Variants in RPS6KA2 observed in about 807,000 individuals in gnomAD.
RPS6KA2 encodes ribosomal protein S6 kinase A2, also known as ribosomal protein S6 kinase alpha-2.
A neutral mutation model predicts 91.8 loss-of-function variants in RPS6KA2; 42 were observed. That is an observed-to-expected ratio of 0.46 (90% CI 0.36 to 0.59). The LOEUF is 0.59. Ranked by LOEUF, RPS6KA2 falls within the 20% of genes least tolerant of loss-of-function variation. The probability of loss-of-function intolerance (pLI) is 0.00; values close to 1 mark genes in which losing one functional copy is unlikely to be tolerated. For missense variants in RPS6KA2, 798 were observed against 978.5 expected (o/e 0.82, Z 2.46); for synonymous variants, 414 against 393.6 (o/e 1.05, Z -0.61).
chr6:166,757,697 C>T, intron 2 of RPS6KA2: 1 of 429,442 alleles, frequency 2.3e-6, no homozygotes, highest in Admixed American at 2.5e-5. Context: ...CACCAGGCAG[C>T]CACCCCGCAC....
Position 166,494,677 on chromosome 6 carries a change from A to G in RPS6KA2, c.747+3831T>C, listed in dbSNP as rs1012447132. Reference sequence around the variant, plus strand: ...CAGGTACCAGCTCCTAATTTCAGACACGGAATTTTATTCAGGGACACTGAC... The same window carrying G: ...CAGGTACCAGCTCCTAATTTCAGACGCGGAATTTTATTCAGGGACACTGAC... On this transcript the variant is annotated intron_variant, in intron 8 of 20. Coordinates refer to ENST00000265678, the MANE Select transcript of RPS6KA2 (RefSeq NM_021135.6). The surrounding 1 kb of genome is among the most constrained non-coding windows in gnomAD (Gnocchi z 5.1). Among the ~76,000 whole-genome samples the G allele has an allele frequency of 7.9e-5, 12 of 152,148 alleles. No homozygotes were observed. Among genetic ancestry groups the G allele is most frequent in the Admixed American group, 3.9e-4 (6 of 15,280 alleles).
At chr6:166,518,162 C>T (rs1459531609) in intron 3 of RPS6KA2, among the ~76,000 whole-genome samples, 1 of 149,364 alleles carries the variant, frequency 6.7e-6, no homozygotes, top group East Asian at 2.0e-4. Flanking sequence ...TGGTGTGCAC[C>T]TGCAGCCCTA....
chr6:166,833,369 C>A (rs1780235646), intron 2 of RPS6KA2, among the ~76,000 whole-genome samples: 1 of 152,182 alleles, frequency 6.6e-6, no homozygotes. Flanking sequence ...AACTGTAACT[C>A]CCTAGAGTTT....
In RPS6KA2 at chr6:166,607,140, C is replaced by CAAA. The variant is rs35281961; in HGVS notation, c.99+19778_99+19780dup. Among the ~76,000 whole-genome samples, 26 of 97,824 alleles carry CAAA rather than the reference C, an allele frequency of 2.7e-4. 1 individual carries two copies. The highest frequency in any genetic ancestry group is 7.7e-4 in the African/African-American group (20 of 25,818). The allele number at this position is 97,824 out of a possible 152,430, so 64.2% of individuals were successfully genotyped here. A position where few individuals can be genotyped will look rare whatever the true frequency, so the allele number is the denominator to read the frequency against. On this transcript the variant is annotated intron_variant, in intron 1 of 20. Transcript: ENST00000265678. ...CTGGGCAACAAGAGGAAAACTCCGT[C>CAAA]AAAAAAAAAAAAAAAAAAAGCTCCA... is the stretch of plus-strand genomic sequence containing the variant.
intron 2 of RPS6KA2, among the ~76,000 whole-genome samples, chr6:166,772,249 C>T (rs891680473): frequency 3.3e-5 from 5 of 152,044 alleles, no homozygotes; most frequent in Non-Finnish European, 5.9e-5. Context: ...TGACCCCACC[C>T]CCCAGCCCCC....
At chr6:166,548,838 C>T (rs1299798771) in intron 1 of RPS6KA2, among the ~76,000 whole-genome samples, 1 of 152,218 alleles carries the variant, frequency 6.6e-6, no homozygotes, top group Non-Finnish European at 1.5e-5. Context: ...ATAAATCAAA[C>T]TTCATCAAAA....
intron 2 of RPS6KA2, among the ~76,000 whole-genome samples, chr6:166,790,032 G>C (rs1378716827): frequency 6.6e-6 from 1 of 152,176 alleles, no homozygotes; most frequent in African/African-American, 2.4e-5. Flanking sequence ...GACGAGTTGA[G>C]AGAAGAAGGC....
At position 166,413,892 on chromosome 6, in the gene RPS6KA2, G is replaced by A. The variant is rs1477628615; in HGVS notation, c.1978C>T (p.Arg660Cys). ...TTGAGCACTTGCATCGCCGTCAGGC[G>A]CTGATGAGGGTCCACGTGGAGCATC... is the stretch of plus-strand genomic sequence containing the variant. Reference protein sequence around the residue: ...SKMLHVDPHQRLTAMQVLKHP... With the variant: ...SKMLHVDPHQCLTAMQVLKHP... Residue 660 changes from arginine (R) to cysteine (C), a missense_variant, in exon 20 of 21, where the codon CGC (arginine) becomes TGC (cysteine). By Grantham distance (180) the Arg-to-Cys change is radical. Coordinates refer to ENST00000265678, the MANE Select transcript of RPS6KA2 (RefSeq NM_021135.6). 10 of 1,614,064 alleles carry A rather than the reference G, an allele frequency of 6.2e-6. No homozygotes were observed. Among genetic ancestry groups the A allele is most frequent in the South Asian group, 1.1e-5 (1 of 91,074 alleles).
rs1020826778 is a variant in RPS6KA2 at position 166,774,520 on chromosome 6, C to T, written c.123+83680G>A. Among the ~76,000 whole-genome samples, 6 of 152,266 alleles carry T rather than the reference C, an allele frequency of 3.9e-5. No homozygotes were observed. In the East Asian group the frequency reaches 7.7e-4, roughly 20 times the overall value. The stretch of plus-strand genomic sequence containing the variant: ...TGCTGCTGCACCCATCCCAGCACCA[C>T]GTGGCTAAGCTCTCCCAAGATGCTA... On this transcript the variant is annotated intron_variant, in intron 2 of 21. Coordinates refer to the RPS6KA2 transcript ENST00000503859.
intron 2 of RPS6KA2, among the ~76,000 whole-genome samples, chr6:166,796,948 G>A (rs1779241444): frequency 6.6e-6 from 1 of 152,230 alleles, no homozygotes; most frequent in South Asian, 2.1e-4. Flanking sequence ...GAGGCTCCCA[G>A]GTACCGAACC....
rs1463215839 is a variant in RPS6KA2 at position 166,627,190 on chromosome 6, C to A, written c.-171G>T. The A allele has an allele frequency of 1.9e-6, 2 of 1,046,928 alleles. No individual in the cohort carries two copies. Among genetic ancestry groups the A allele is most frequent in the Non-Finnish European group, 2.3e-6 (2 of 871,292 alleles). The allele number at this position is 1,046,928 out of a possible 1,614,324, so 64.9% of individuals were successfully genotyped here. ...TGCGGTCACAAAGGGCAGGCCGCGCCGGCCACCGCGGCCGGGGCCACAATC... is the reference window on the plus strand; with the variant it reads ...TGCGGTCACAAAGGGCAGGCCGCGCAGGCCACCGCGGCCGGGGCCACAATC... On this transcript the variant is annotated 5_prime_UTR_variant, in exon 1 of 21. Transcript: ENST00000265678.
intron 2 of RPS6KA2, among the ~76,000 whole-genome samples, chr6:166,828,367 C>T (rs999811941): frequency 8.5e-5 from 13 of 152,228 alleles, no homozygotes; most frequent in Non-Finnish European, 1.5e-4. Context: ...AGAATTCAGG[C>T]AAGACTGCCA....
intron 13 of RPS6KA2, among the ~76,000 whole-genome samples, chr6:166,449,803 G>GGGACCACCACGGGACAACCACGA (rs1562500666): frequency 1.5e-4 from 17 of 111,646 alleles, no homozygotes; most frequent in East Asian, 2.3e-4. Context: ...AGCCACCACG[G>GGGACCACCACGGGACAACCACGA]GGACCACCAT....
At chr6:166,619,514 C>T (rs1364166596) in intron 1 of RPS6KA2, among the ~76,000 whole-genome samples, 1 of 152,066 alleles carries the variant, frequency 6.6e-6, no homozygotes, top group Non-Finnish European at 1.5e-5. Flanking sequence ...CTCTCCAGGG[C>T]TTGACCCTGT....
At chr6:166,627,280 A>G (rs1028781575), upstream of RPS6KA2, 4 of 957,910 alleles carry the variant, frequency 4.2e-6, no homozygotes, top group African/African-American at 1.8e-5. Flanking sequence ...CCACGCCTAC[A>G]CCACGCCCAC....
At chr6:166,762,092 A>G (rs1292840326) in intron 2 of RPS6KA2, among the ~76,000 whole-genome samples, 3 of 152,204 alleles carry the variant, frequency 2.0e-5, no homozygotes, top group Admixed American at 6.5e-5. Flanking sequence ...ACAGAGGTAC[A>G]TGGTCTGTCC....
chr6:166,464,626 T>C (rs1426702976), intron 11 of RPS6KA2, among the ~76,000 whole-genome samples: 2 of 152,222 alleles, frequency 1.3e-5, no homozygotes, highest in Admixed American at 6.5e-5. Flanking sequence ...TGGCTTGTGC[T>C]GTCTGCAGTG....
At chr6:166,515,897 C>T (rs61063421) in intron 3 of RPS6KA2, among the ~76,000 whole-genome samples, 2 of 152,178 alleles carry the variant, frequency 1.3e-5, no homozygotes, top group Admixed American at 6.5e-5. Context: ...CAGAAGAATG[C>T]GACCATTTGT....
chr6:166,644,234 G>A (rs1787534623), intron 2 of RPS6KA2, among the ~76,000 whole-genome samples: 1 of 151,842 alleles, frequency 6.6e-6, no homozygotes, highest in East Asian at 1.9e-4. Context: ...ATTTGCTAAG[G>A]GCATACAACA....
Sources: allele counts gnomAD v4.1 joint callset (sites outside exome capture counted in the v4.1 genomes callset), GRCh38; gene constraint gnomAD v4.1.1; non-coding constraint Gnocchi (gnomAD v3.1); transcripts MANE v1.5; gene names NCBI Gene and HGNC (gene_info 2026-07-23, HGNC 2026-07-21).